CNTN4: variants seen among roughly 807,000 people sequenced by gnomAD.
The protein encoded by CNTN4 is contactin 4, also known as contactin-4.
CNTN4 carries 77 observed loss-of-function variants against 122.5 expected under a neutral mutation model. That is an observed-to-expected ratio of 0.63 (90% confidence interval 0.52 to 0.76). The LOEUF (loss-of-function observed/expected upper bound fraction) is 0.76, where lower values mean the gene tolerates loss of function less well. Among genes scored for constraint, CNTN4 ranks in the 30% least tolerant of loss-of-function variants. The pLI is 0.00. For missense variants in CNTN4, 1,256 were observed against 1,259.1 expected (o/e 1.00, Z 0.04); for synonymous variants, 512 against 447.0 (o/e 1.15, Z -1.83).
intron 4 of CNTN4, among the ~76,000 whole-genome samples, chr3:2,713,007 C>G (rs1357324991): frequency 6.6e-6 from 1 of 152,180 alleles, no homozygotes; most frequent in Non-Finnish European, 1.5e-5. Flanking sequence ...TGATAACCAG[C>G]AAACATTGCG....
chr3:2,991,486 A>G (rs9852580), intron 14 of CNTN4, among the ~76,000 whole-genome samples: 42,189 of 151,868 alleles, frequency 0.28, 5,900 homozygotes, highest in African/African-American at 0.31. Flanking sequence ...TTTGGCCAAT[A>G]TGTTCTCAGG....
intron 6 of CNTN4, among the ~76,000 whole-genome samples, chr3:2,765,103 A>G (rs1331557923): frequency 6.6e-6 from 1 of 152,232 alleles, no homozygotes; most frequent in Admixed American, 6.5e-5. Flanking sequence ...TAAAATACCC[A>G]GACTCAATTT....
intron 4 of CNTN4, chr3:2,736,006 A>C (rs1182396573): frequency 1.4e-6 from 1 of 689,658 alleles, no homozygotes; most frequent in African/African-American, 1.7e-5. Context: ...CCAATGTGAA[A>C]TAAGAGGGCT....
intron 12 of CNTN4, among the ~76,000 whole-genome samples, chr3:2,924,696 A>G (rs1172372274): frequency 6.6e-5 from 10 of 152,224 alleles, no homozygotes; most frequent in Admixed American, 3.9e-4. Context: ...AGTGGTGAGC[A>G]TATAATAGAG....
rs951587511 is a variant in CNTN4, at chr3:2,709,978, C to T, written c.56-26237C>T. Reference sequence around the variant, plus strand: ...ACACTTAATGCTTATTGCTGAAACCCTCCTTTGTTAACATTTTAAATTGTC... The same window carrying T: ...ACACTTAATGCTTATTGCTGAAACCTTCCTTTGTTAACATTTTAAATTGTC... On this transcript the variant is annotated intron_variant, in intron 4 of 24. Coordinates refer to ENST00000418658, the MANE Select transcript of CNTN4 (RefSeq NM_175607.3). The surrounding 1 kb of genome is among the most constrained non-coding windows in gnomAD (Gnocchi z 5.0). Among the ~76,000 whole-genome samples the T allele has an allele frequency of 6.6e-6, 1 of 152,120 alleles. No homozygotes were observed. The highest frequency in any genetic ancestry group is 1.5e-5 in the Non-Finnish European group (1 of 68,022).
chr3:2,377,211 A>G (rs2045854382), intron 3 of CNTN4, among the ~76,000 whole-genome samples: 1 of 151,914 alleles, frequency 6.6e-6, no homozygotes, highest in Admixed American at 6.6e-5. Context: ...AAGTTTTTAG[A>G]TACCATATCC....
chr3:2,766,472 T>G (rs1184798476), intron 6 of CNTN4, among the ~76,000 whole-genome samples: 1 of 152,222 alleles, frequency 6.6e-6, no homozygotes, highest in Non-Finnish European at 1.5e-5. Context: ...GAGACGATTA[T>G]TCTAAGTGAA....
Position 2,344,438 on chromosome 3 carries a change from C to G in CNTN4, c.-89+5205C>G, listed in dbSNP as rs143976306. On this transcript the variant is annotated intron_variant, in intron 3 of 24. Transcript: ENST00000418658. ...GGGATTACAGGCGTCTGCCACCGCA[C>G]CCAGCTAATTTTTGTATTTTTAGTA... Among the ~76,000 whole-genome samples the G allele has an allele frequency of 2.2e-3, 342 of 152,176 alleles. 2 individuals carry two copies. Among genetic ancestry groups the G allele is most frequent in the African/African-American group, 7.7e-3 (319 of 41,524 alleles).
At chr3:2,471,744 C>G (rs2075691875) in intron 3 of CNTN4, among the ~76,000 whole-genome samples, 2 of 152,192 alleles carry the variant, frequency 1.3e-5, no homozygotes, top group Admixed American at 6.5e-5. Context: ...TCTAAATGTT[C>G]TAAGCATCAG....
intron 14 of CNTN4, among the ~76,000 whole-genome samples, chr3:2,996,078 T>C (rs1274582324): frequency 6.6e-6 from 1 of 152,168 alleles, no homozygotes; most frequent in East Asian, 1.9e-4. Context: ...AGAATACACA[T>C]GCGGCATAAG....
intron 14 of CNTN4, among the ~76,000 whole-genome samples, chr3:2,994,613 A>ATATATATATATATATATATGTGTG (rs370506181): frequency 7.0e-6 from 1 of 142,158 alleles, no homozygotes; most frequent in African/African-American, 2.6e-5. Flanking sequence ...ATATATATAT[A>ATATATATATATATATATATGTGTG]TGTGTGTATA....
chr3:2,170,376 G>A (rs1350188198), intron 2 of CNTN4, among the ~76,000 whole-genome samples: 2 of 151,914 alleles, frequency 1.3e-5, no homozygotes, highest in Non-Finnish European at 2.9e-5. Flanking sequence ...ACAGAAGAAA[G>A]AAATACAAAA....
rs564177478 is a variant in CNTN4 at position 2,617,613 on chromosome 3, G to A, written c.55+46055G>A. ...TTTTTTTGTACTTTTAGTACAGACG[G>A]AGTTTCACAATGTTGGCCATGATGG... is the stretch of plus-strand genomic sequence containing the variant. On this transcript the variant is annotated intron_variant, in intron 4 of 24. Coordinates refer to ENST00000418658, the MANE Select transcript of CNTN4 (RefSeq NM_175607.3). Among the ~76,000 whole-genome samples the A allele has an allele frequency of 6.6e-5, 10 of 151,882 alleles. 1 individual carries two copies. The South Asian group carries it at 2.1e-3, about 32-fold the overall frequency.
At chr3:2,188,826 C>A (rs2037394052) in intron 2 of CNTN4, among the ~76,000 whole-genome samples, 1 of 152,100 alleles carries the variant, frequency 6.6e-6, no homozygotes, top group Non-Finnish European at 1.5e-5. Flanking sequence ...ATTGAATAAA[C>A]AAAGGGAGAC....
intron 14 of CNTN4, among the ~76,000 whole-genome samples, chr3:3,011,300 G>A (rs1697207857): frequency 6.6e-6 from 1 of 152,142 alleles, no homozygotes; most frequent in South Asian, 2.1e-4. Context: ...TAAGATAGCT[G>A]TAGAAATCAG....
intron 13 of CNTN4, among the ~76,000 whole-genome samples, chr3:2,943,632 T>TTATATATATATATATATATATA (rs2094640895): frequency 1.0e-4 from 10 of 96,206 alleles, no homozygotes; most frequent in African/African-American, 4.4e-4. Context: ...ATATATATAT[T>TTATATATATATATATATATATA]TTTTTTTTTT....
chr3:2,877,657 T>G (rs538262130), intron 8 of CNTN4, among the ~76,000 whole-genome samples: 1 of 152,252 alleles, frequency 6.6e-6, no homozygotes, highest in Admixed American at 6.5e-5. Flanking sequence ...TCTTCCCACC[T>G]TTTTTAATAG....
At chr3:2,815,744 G>C (rs1409785321) in intron 6 of CNTN4, among the ~76,000 whole-genome samples, 1 of 152,110 alleles carries the variant, frequency 6.6e-6, no homozygotes. Flanking sequence ...TATCTACCCA[G>C]AGGAAAAGAA....
intron 3 of CNTN4, among the ~76,000 whole-genome samples, chr3:2,452,727 A>T (rs373160213): frequency 1.6e-4 from 25 of 152,250 alleles, no homozygotes; most frequent in East Asian, 1.5e-3. Context: ...GGACCAGAGC[A>T]TGTAGGAGTA....
Sources: allele counts gnomAD v4.1 joint callset (sites outside exome capture counted in the v4.1 genomes callset), GRCh38; gene constraint gnomAD v4.1.1; non-coding constraint Gnocchi (gnomAD v3.1); transcripts MANE v1.5; gene names NCBI Gene and HGNC (gene_info 2026-07-23, HGNC 2026-07-21).